VAV3: variants seen among roughly 807,000 people sequenced by gnomAD.
The protein encoded by VAV3 is vav guanine nucleotide exchange factor 3.
Under a neutral mutation model 131.2 loss-of-function variants are expected in VAV3, and 94 were observed. The ratio of observed to expected loss-of-function variants is 0.72; its 90% CI spans 0.61 to 0.85. The LOEUF (loss-of-function observed/expected upper bound fraction) is 0.85. Among genes scored for constraint, VAV3 ranks in the 40% least tolerant of loss-of-function variants. The pLI, the probability that VAV3 is intolerant of heterozygous loss-of-function variation, is 0.00. For missense variants in VAV3, 939 were observed against 1,002.7 expected, an observed-to-expected ratio of 0.94 and a Z score of 0.86; for synonymous variants, 349 against 342.0, an observed-to-expected ratio of 1.02 and a Z score of -0.22.
intron 21 of VAV3, among the ~76,000 whole-genome samples, chr1:107,616,395 T>C (rs1204564172): frequency 6.6e-6 from 1 of 152,042 alleles, no homozygotes; most frequent in Non-Finnish European, 1.5e-5. Flanking sequence ...TGAGTATACA[T>C]GGACATGAGA....
At chr1:107,952,252 T>C (rs896039703) in intron 1 of VAV3, among the ~76,000 whole-genome samples, 2 of 151,774 alleles carry the variant, frequency 1.3e-5, no homozygotes, top group African/African-American at 4.8e-5. Flanking sequence ...AAGTGAGGGC[T>C]AAATGATGAG....
intron 19 of VAV3, among the ~76,000 whole-genome samples, chr1:107,682,686 C>A: frequency 6.6e-6 from 1 of 151,852 alleles, no homozygotes; most frequent in East Asian, 1.9e-4. Context: ...AACTTTACAA[C>A]TAGGTGAATA....
chr1:107,752,134 TACAA>T (rs1663767029), intron 12 of VAV3, among the ~76,000 whole-genome samples: 1 of 152,162 alleles, frequency 6.6e-6, no homozygotes. Context: ...GGCACTGGCA[TACAA>T]ACAGGTATAT....
intron 2 of VAV3, among the ~76,000 whole-genome samples, chr1:107,822,177 G>A (rs1361319480): frequency 6.6e-6 from 1 of 152,120 alleles, no homozygotes; most frequent in African/African-American, 2.4e-5. Flanking sequence ...GTTCCACAGT[G>A]GGCATGCTTT....
chr1:107,598,212 C>G (rs535370584), intron 24 of VAV3, among the ~76,000 whole-genome samples: 5 of 152,130 alleles, frequency 3.3e-5, no homozygotes, highest in East Asian at 1.9e-4. Context: ...AAAAGTTAGC[C>G]AGGTGTGGTG....
chr1:107,834,928 C>T (rs1182583321), intron 2 of VAV3, among the ~76,000 whole-genome samples: 2 of 152,096 alleles, frequency 1.3e-5, no homozygotes, highest in Non-Finnish European at 2.9e-5. Context: ...CCACAGGCTT[C>T]TGAACTGACA....
chr1:107,623,405 C>G (rs1479498890), intron 20 of VAV3, among the ~76,000 whole-genome samples: 1 of 152,068 alleles, frequency 6.6e-6, no homozygotes, highest in Non-Finnish European at 1.5e-5. Flanking sequence ...TTTTATTTGG[C>G]CCATTCATGT....
At chr1:107,702,318 A>G (rs939326606) in intron 17 of VAV3, among the ~76,000 whole-genome samples, 4 of 152,170 alleles carry the variant, frequency 2.6e-5, no homozygotes, top group African/African-American at 9.7e-5. Flanking sequence ...CCCATGATCC[A>G]ATCCCCTCCT....
At chr1:107,832,075 G>A (rs1392547209) in intron 2 of VAV3, among the ~76,000 whole-genome samples, 1 of 152,206 alleles carries the variant, frequency 6.6e-6, no homozygotes, top group African/African-American at 2.4e-5. Context: ...ATCCAGGTGT[G>A]AAGTAAAGTC....
chr1:107,625,217 A>T (rs1345726341), intron 20 of VAV3, among the ~76,000 whole-genome samples: 1 of 151,546 alleles, frequency 6.6e-6, no homozygotes, highest in East Asian at 1.9e-4. Context: ...TGATCCACAA[A>T]TTCTTAATTA....
chr1:107,858,670 G>A (rs1669591691), intron 2 of VAV3, among the ~76,000 whole-genome samples: 1 of 152,174 alleles, frequency 6.6e-6, no homozygotes, highest in African/African-American at 2.4e-5. Flanking sequence ...AAGTGGAACG[G>A]TTTCACCCCC....
At chr1:107,836,391 C>A (rs940790411) in intron 2 of VAV3, among the ~76,000 whole-genome samples, 2 of 152,142 alleles carry the variant, frequency 1.3e-5, no homozygotes, top group Non-Finnish European at 2.9e-5. Flanking sequence ...AACAGAATTA[C>A]AACATACCAA....
intron 9 of VAV3, among the ~76,000 whole-genome samples, chr1:107,762,946 G>A (rs1003292539): frequency 6.6e-6 from 1 of 152,172 alleles, no homozygotes; most frequent in Non-Finnish European, 1.5e-5. Flanking sequence ...CAGGCTGATA[G>A]GGCAAGATAA....
chr1:107,964,648 C>T lies in VAV3; in HGVS notation c.204+18G>A, dbSNP rs1337517083. 2.5e-6 allele frequency: 4 copies of T among 1,605,590 alleles called. No individual in the cohort carries two copies. The highest frequency in any genetic ancestry group is 3.4e-6 in the Non-Finnish European group (4 of 1,175,344). ...GAGCTGCCGGCTGGAGGCGGGGCGC[C>T]CGTGCCGGCCTCCTCACCTGGGACA... is the stretch of plus-strand genomic sequence containing the variant. On this transcript the variant is annotated intron_variant, in intron 1 of 26. Transcript: ENST00000370056.
At chr1:107,697,054 C>T (rs1470539310) in intron 17 of VAV3, among the ~76,000 whole-genome samples, 1 of 152,164 alleles carries the variant, frequency 6.6e-6, no homozygotes, top group East Asian at 1.9e-4. Context: ...TACTTTACCA[C>T]ACTCACATCA....
intron 19 of VAV3, among the ~76,000 whole-genome samples, chr1:107,663,163 G>A (rs1042420161): frequency 5.3e-5 from 8 of 152,302 alleles, no homozygotes; most frequent in African/African-American, 1.4e-4. Context: ...GGAAACATCT[G>A]AGGGTGATAA....
chr1:107,642,960 T>A (rs1655461468), intron 19 of VAV3, among the ~76,000 whole-genome samples: 1 of 152,186 alleles, frequency 6.6e-6, no homozygotes, highest in South Asian at 2.1e-4. Context: ...ATTTATCCCA[T>A]GATCCCTGAC....
intron 15 of VAV3, among the ~76,000 whole-genome samples, chr1:107,717,895 G>A (rs924829949): frequency 2.0e-5 from 3 of 152,060 alleles, no homozygotes; most frequent in Non-Finnish European, 4.4e-5. Context: ...AGGTATCTAA[G>A]GACTTGCTTT....
chr1:107,707,846 G>A (rs1660548031), intron 15 of VAV3, among the ~76,000 whole-genome samples: 1 of 152,198 alleles, frequency 6.6e-6, no homozygotes, highest in Non-Finnish European at 1.5e-5. Flanking sequence ...GGTTGGGAAA[G>A]TAGATTGCAG....
Sources: gnomAD v4.1 joint callset for allele counts (sites outside exome capture counted in the v4.1 genomes callset) on GRCh38, gnomAD v4.1.1 for gene constraint, MANE v1.5 for transcripts, NCBI Gene and HGNC (gene_info 2026-07-23, HGNC 2026-07-21) for gene names.